The following DDOST variants were observed in gnomAD, a reference collection of about 807,000 sequenced individuals.
DDOST encodes dolichyl-diphosphooligosaccharide--protein glycosyltransferase 48 kDa subunit.
Under a neutral mutation model 47.6 loss-of-function variants are expected in DDOST, and 25 were observed. The observed-to-expected ratio is 0.53, with a 90% CI of 0.38 to 0.73. The LOEUF is 0.73. Ranked by LOEUF, DDOST falls within the 30% of genes least tolerant of loss-of-function variation. DDOST has a pLI of 0.00. For synonymous variants in DDOST, 275 were observed against 236.0 expected (o/e 1.17, Z -1.51); for missense variants, 526 against 573.9 (o/e 0.92, Z 0.85).
chr1:20,652,581 C>T, intron 10 of DDOST, 40 bp downstream of exon 10: 1 of 1,614,108 alleles, frequency 6.2e-7, no homozygotes, highest in Non-Finnish European at 8.5e-7. Flanking sequence ...CCAGGCAGGG[C>T]ACATGCTAGC....
At chr1:20,660,565 CA>C (rs922860751) in intron 2 of DDOST, 25 of 206,714 alleles carry the variant, frequency 1.2e-4, no homozygotes, top group Admixed American at 3.1e-4. Context: ...TCCACCCAGG[CA>C]AACCCAACCC....
In DDOST at chr1:20,652,417, C is replaced by T. The variant is rs544661380; in HGVS notation, c.1282G>A (p.Val428Ile). ...TCCTTCTCCTTCATGTGCAAGAAGA[C>T]GATGCTGAAGATGAAGAGCCCCAGC... Reference protein sequence around the residue: ...MMLGLFIFSIVFLHMKEKEKS... With the variant: ...MMLGLFIFSIIFLHMKEKEKS... The change falls in exon 11 of 11, where the codon GTC becomes ATC. Residue 428 changes from valine to isoleucine, a missense_variant. Physicochemically the swap from Val to Ile is conservative, Grantham distance 29. Coordinates refer to ENST00000602624, the MANE Select transcript of DDOST (RefSeq NM_005216.5). 52 of 1,613,760 alleles carry T rather than the reference C, an allele frequency of 3.2e-5. No individual in the cohort carries two copies. Among genetic ancestry groups the T allele is most frequent in the African/African-American group, 1.6e-4 (12 of 75,024 alleles).
rs1390261032 is a variant in DDOST at position 20,653,116 on chromosome 1, C to T, written c.943-145G>A. On this transcript the variant is annotated intron_variant, in intron 8 of 10. Transcript: ENST00000602624. ...AAGACCTGCAGATGCCCCTGCCACCCGGCCCTGATCAGTAACCAGTCTCTC... is the reference window on the plus strand; with the variant it reads ...AAGACCTGCAGATGCCCCTGCCACCTGGCCCTGATCAGTAACCAGTCTCTC... 5.5e-5 allele frequency: 49 copies of T among 885,476 alleles called. 1 individual carries two copies. The South Asian group carries it at 6.3e-4, about 11-fold the overall frequency. The allele number at this position is 885,476 out of a possible 1,614,324, so 54.9% of individuals were successfully genotyped here.
rs34189097 is a variant in DDOST, at chr1:20,654,306, G to T, written c.711C>A (p.Arg237=). 6.7e-5 allele frequency: 104 copies of T among 1,554,440 alleles called. No individual in the cohort carries two copies. The highest frequency in any genetic ancestry group is 8.6e-5 in the Non-Finnish European group (99 of 1,148,378). The change falls in exon 7 of 11, where the codon CGC becomes CGA. Residue 237 remains arginine, a synonymous_variant. Transcript: ENST00000602624. ...AGTCGAGGGAGCCGCTGAAGATGAC[G>T]CGGGCATTGTTCCTGGCCTGGAGCC... ...IAGLQARNNA[R]VIFSGSLDFF...
In DDOST at chr1:20,651,805, ATTTATTTAT is replaced by A. The variant is rs2154534147; in HGVS notation, c.*565_*573del. On this transcript the variant is annotated 3_prime_UTR_variant, in exon 11 of 11. Coordinates refer to ENST00000602624, the MANE Select transcript of DDOST (RefSeq NM_005216.5). ...GAGGGCAACATCTCGCTTTATTTTT[ATTTATTTAT>A]TTATTTATTTATTTATTTATTTATA... 4.9e-5 allele frequency: 1 copy of A among 20,280 alleles called. No homozygotes were observed. Among genetic ancestry groups the A allele is most frequent in the South Asian group, 1.4e-3 (1 of 722 alleles). 1.3% of individuals were successfully genotyped at this position (20,280 alleles called of 1,614,324 possible).
rs142613484 is a variant in DDOST, at chr1:20,654,187, C to T, written c.794+36G>A. 740 of 1,549,508 alleles carry T rather than the reference C, an allele frequency of 4.8e-4. 2 individuals carry two copies. In the African/African-American group the frequency reaches 8.7e-3, roughly 18 times the overall value. ...CTCCCCATATACACACACTGCACCA[C>T]CCGGATCCCCGGCCCCTAAGCCTCC... is the stretch of plus-strand genomic sequence containing the variant. On this transcript the variant is annotated intron_variant, in intron 7 of 10. Transcript: ENST00000602624.
At chr1:20,659,761 G>A (rs1206033910) in intron 2 of DDOST, among the ~76,000 whole-genome samples, 1 of 152,116 alleles carries the variant, frequency 6.6e-6, no homozygotes, top group African/African-American at 2.4e-5. Context: ...ACTGAATCTC[G>A]CATGAACTAC....
rs370417447 is a variant in DDOST at position 20,652,114 on chromosome 1, C to T, written c.*265G>A. 25 of 294,388 alleles carry T rather than the reference C, an allele frequency of 8.5e-5. No homozygotes were observed. The highest frequency in any genetic ancestry group is 1.1e-4 in the Non-Finnish European group (17 of 157,336). 18.2% of individuals were successfully genotyped at this position (294,388 alleles called of 1,614,324 possible). ...TGCTGGGATTACAGGCATGAGCCAC[C>T]GTGCCTGGCCACGTCCCTATTTTAG... On this transcript the variant is annotated 3_prime_UTR_variant, in exon 11 of 11. Coordinates refer to ENST00000602624, the MANE Select transcript of DDOST (RefSeq NM_005216.5).
In DDOST at chr1:20,656,417, G is replaced by A. The variant is rs115447503; in HGVS notation, c.266-230C>T. On this transcript the variant is annotated intron_variant, in intron 2 of 10. Coordinates refer to ENST00000602624, the MANE Select transcript of DDOST (RefSeq NM_005216.5). ...TGGCTCAGAATTAGAAACTTCTGGA[G>A]GTTTGGAGGAAACAGTCAAACATCC... Among the ~76,000 whole-genome samples, 723 of 152,318 alleles carry A rather than the reference G, an allele frequency of 4.7e-3. 5 individuals are homozygous for A. Among genetic ancestry groups the A allele is most frequent in the African/African-American group, 0.017 (692 of 41,564 alleles).
intron 2 of DDOST, among the ~76,000 whole-genome samples, chr1:20,659,326 C>T (rs1380384166): frequency 1.3e-5 from 2 of 152,176 alleles, no homozygotes; most frequent in Non-Finnish European, 2.9e-5. Context: ...ACAGTATCCT[C>T]TCTCAGCCCT....
At chr1:20,654,592 C>G (rs1315170601) in intron 6 of DDOST, 22 bp downstream of exon 6, 2 of 1,542,646 alleles carry the variant, frequency 1.3e-6, no homozygotes, top group Non-Finnish European at 1.8e-6. Flanking sequence ...ATTTCGAAGC[C>G]TCAAGGTTGT....
In DDOST at chr1:20,656,206, C is replaced by T. The variant is rs765964097; in HGVS notation, c.266-19G>A. 3 of 1,604,410 alleles carry T rather than the reference C, an allele frequency of 1.9e-6. No individual in the cohort carries two copies. The Admixed American group carries it at 5.0e-5, about 27-fold the overall frequency. On this transcript the variant is annotated intron_variant, in intron 2 of 10. Transcript: ENST00000602624. ...CCAAAATCTGAAAGCAGGCACCAGA[C>T]ACAGTGACCCAGAGGTCTCCTCTCC...
At chr1:20,653,322 T>G (rs2053319206) in intron 8 of DDOST, among the ~76,000 whole-genome samples, 1 of 152,188 alleles carries the variant, frequency 6.6e-6, no homozygotes, top group South Asian at 2.1e-4. Flanking sequence ...CCTAACAAAT[T>G]CAACCTAATG....
chr1:20,660,945 C>G lies in DDOST; in HGVS notation c.201G>C (p.Leu67=). 4.3e-6 allele frequency: 7 copies of G among 1,613,992 alleles called. No homozygotes were observed. The highest frequency in any genetic ancestry group is 5.9e-6 in the Non-Finnish European group (7 of 1,179,874). Residue 67 remains leucine (L), a synonymous_variant, in exon 2 of 11, where the codon CTG becomes CTC. Coordinates refer to ENST00000602624, the MANE Select transcript of DDOST (RefSeq NM_005216.5). ...GGAATTCCCCATACTTTATGAGAGA[C>G]AGGCTGGGGTCATCAGCGGTCTTGA... ...LTFKTADDPS[L]SLIKYGEFLY...
chr1:20,661,137 C>T, intron 1 of DDOST, 60 bp downstream of exon 1: 1 of 1,561,278 alleles, frequency 6.4e-7, no homozygotes, highest in Non-Finnish European at 8.8e-7. Flanking sequence ...GTGGTCAATG[C>T]CCTCGATGCT....
Position 20,652,532 on chromosome 1 carries a change from CAGG to C in DDOST, c.1171-7_1171-5del, listed in dbSNP as rs745516952. 16 of 1,613,940 alleles carry C rather than the reference CAGG, an allele frequency of 9.9e-6. No homozygotes were observed. Among genetic ancestry groups the C allele is most frequent in the Non-Finnish European group, 1.3e-5 (15 of 1,179,920 alleles). On this transcript the variant is annotated splice_region_variant and splice_polypyrimidine_tract_variant and intron_variant, in intron 10 of 10. Transcript: ENST00000602624. ...GCTGGAGTGGCCGCACGGATACCTG[CAGG>C]AGGACAGAGGTGGCAGGACCTGGCC...
chr1:20,657,701 T>C (rs1222651364), intron 2 of DDOST, among the ~76,000 whole-genome samples: 1 of 152,174 alleles, frequency 6.6e-6, no homozygotes, highest in East Asian at 1.9e-4. Flanking sequence ...GCCCTGTTTT[T>C]TGAGGGGTAA....
At chr1:20,653,858 A>G (rs1453952028) in intron 7 of DDOST, 84 bp from the exon 8 acceptor site, 30 of 1,498,294 alleles carry the variant, frequency 2.0e-5, no homozygotes, top group Non-Finnish European at 2.5e-5. Context: ...CATGTCCACC[A>G]TGACAGTACC....
chr1:20,653,117 G>A lies in DDOST; in HGVS notation c.943-146C>T, dbSNP rs373275420. On this transcript the variant is annotated intron_variant, in intron 8 of 10. Coordinates refer to ENST00000602624, the MANE Select transcript of DDOST (RefSeq NM_005216.5). ...AGACCTGCAGATGCCCCTGCCACCC[G>A]GCCCTGATCAGTAACCAGTCTCTCT... is the stretch of plus-strand genomic sequence containing the variant. The A allele has an allele frequency of 4.6e-5, 41 of 889,822 alleles. No individual in the cohort carries two copies. The South Asian group carries it at 4.8e-4, about 10-fold the overall frequency. The allele number at this position is 889,822 out of a possible 1,614,324, so 55.1% of individuals were successfully genotyped here.
Sources: allele counts gnomAD v4.1 joint callset (sites outside exome capture counted in the v4.1 genomes callset), GRCh38; gene constraint gnomAD v4.1.1; transcripts MANE v1.5; gene names NCBI Gene and HGNC (gene_info 2026-07-23, HGNC 2026-07-21).